GTF2A1L: variants seen among roughly 807,000 people sequenced by gnomAD.
GTF2A1L encodes general transcription factor IIA subunit 1 like.
Under a neutral mutation model 49.7 loss-of-function variants are expected in GTF2A1L, and 48 were observed. The observed-to-expected ratio is 0.97, with a 90% CI of 0.77 to 1.23. The LOEUF (loss-of-function observed/expected upper bound fraction) is 1.23, where lower values mean the gene tolerates loss of function less well. Ranked by LOEUF, GTF2A1L falls within the 50% of genes most tolerant of loss-of-function variation. The probability of loss-of-function intolerance (pLI) is 0.00; values close to 1 mark genes in which losing one functional copy is unlikely to be tolerated. For synonymous variants in GTF2A1L, 246 were observed against 193.5 expected, an observed-to-expected ratio of 1.27 and a Z score of -2.25; for missense variants, 736 against 564.8, an observed-to-expected ratio of 1.30 and a Z score of -3.07.
chr2:48,661,247 C>CTTTTT lies in GTF2A1L; in HGVS notation c.979-8451_979-8447dup, dbSNP rs70946820. On this transcript the variant is annotated intron_variant, in intron 6 of 8. Transcript: ENST00000403751. ...CCATTGTTTTCACTGCATCCCCAAA[C>CTTTTT]TTTTTTTTTTTTTTTTTTTTTTTTT... 5.2e-3 allele frequency among the ~76,000 whole-genome samples: 328 copies of CTTTTT among 62,750 alleles called. 88 individuals are homozygous for CTTTTT. The highest frequency in any genetic ancestry group is 0.023 in the African/African-American group (303 of 12,908). 41.2% of individuals were successfully genotyped at this position (62,750 alleles called of 152,430 possible). A position where few individuals can be genotyped will look rare whatever the true frequency, so the allele number is the denominator to read the frequency against.
intron 6 of GTF2A1L, among the ~76,000 whole-genome samples, chr2:48,667,750 T>G (rs949386950): frequency 5.9e-5 from 9 of 152,204 alleles, no homozygotes; most frequent in African/African-American, 1.9e-4. Context: ...GTATACTTTT[T>G]TGAGGGTTCA....
chr2:48,636,576 C>G (rs1444775155), intron 3 of GTF2A1L, among the ~76,000 whole-genome samples: 3 of 151,826 alleles, frequency 2.0e-5, no homozygotes, highest in Non-Finnish European at 4.4e-5. Context: ...TCAACAAAAC[C>G]AAATAAAAAT....
At chr2:48,652,951 C>G (rs111928212) in intron 6 of GTF2A1L, among the ~76,000 whole-genome samples, 2,797 of 151,852 alleles carry the variant, frequency 0.018, 83 homozygotes, top group African/African-American at 0.063. Flanking sequence ...AAATTTAGGC[C>G]GGGCACGGTG....
intron 6 of GTF2A1L, among the ~76,000 whole-genome samples, chr2:48,667,571 G>A (rs1678922480): frequency 6.6e-6 from 1 of 151,908 alleles, no homozygotes; most frequent in Non-Finnish European, 1.5e-5. Flanking sequence ...TATGTAATTT[G>A]GACTTATTTT....
chr2:48,618,043 C>G (rs1675762271), intron 1 of GTF2A1L, 148 bp downstream of exon 1: 1 of 826,796 alleles, frequency 1.2e-6, no homozygotes, highest in Admixed American at 3.1e-5. Flanking sequence ...CTCTTCTTCA[C>G]GTCTGTGTTG....
rs573722173 is a variant in GTF2A1L at position 48,624,816 on chromosome 2, T to C, written c.247+3526T>C. ...CATGCAATACTTTTCTTTTTGTGTC[T>C]GGCTTATTTCACTTAGTATAATGTC... On this transcript the variant is annotated intron_variant, in intron 3 of 8. Coordinates refer to ENST00000403751, the MANE Select transcript of GTF2A1L (RefSeq NM_006872.5). Among the ~76,000 whole-genome samples, 60 of 143,620 alleles carry C rather than the reference T, an allele frequency of 4.2e-4. 11 individuals are homozygous for C. The highest frequency in any genetic ancestry group is 4.0e-3 in the South Asian group (17 of 4,246). 94.2% of individuals were successfully genotyped at this position (143,620 alleles called of 152,430 possible). A position where few individuals can be genotyped will look rare whatever the true frequency, so the allele number is the denominator to read the frequency against.
intron 6 of GTF2A1L, among the ~76,000 whole-genome samples, chr2:48,666,326 C>T (rs1264493810): frequency 6.6e-6 from 1 of 152,014 alleles, no homozygotes; most frequent in East Asian, 1.9e-4. Flanking sequence ...CTGCCTCAGC[C>T]TCCTGAAGAG....
Position 48,625,930 on chromosome 2 carries a change from A to G in GTF2A1L, c.247+4640A>G, listed in dbSNP as rs1468524612. On this transcript the variant is annotated intron_variant, in intron 3 of 8. Transcript: ENST00000403751. ...CCGAGCTTTTGGTGTGATATCCAAAAAATCATTGCCAAGGCCATTGTCAAA... is the reference window on the plus strand; with the variant it reads ...CCGAGCTTTTGGTGTGATATCCAAAGAATCATTGCCAAGGCCATTGTCAAA... Among the ~76,000 whole-genome samples, 5 of 144,034 alleles carry G rather than the reference A, an allele frequency of 3.5e-5. 2 individuals are homozygous for G. The highest frequency in any genetic ancestry group is 6.2e-5 in the Non-Finnish European group (4 of 64,042). 94.5% of individuals were successfully genotyped at this position (144,034 alleles called of 152,430 possible).
intron 8 of GTF2A1L, among the ~76,000 whole-genome samples, chr2:48,678,394 C>G (rs994015806): frequency 1.8e-4 from 27 of 152,034 alleles, no homozygotes; most frequent in African/African-American, 6.3e-4. Context: ...TAAAACCCCC[C>G]CACAAAAATA....
chr2:48,660,474 T>C (rs1193969464), intron 6 of GTF2A1L, among the ~76,000 whole-genome samples: 1 of 152,094 alleles, frequency 6.6e-6, no homozygotes, highest in Non-Finnish European at 1.5e-5. Context: ...TTATTAAGAT[T>C]TTCTATTGCT....
rs768333283 is a variant in GTF2A1L, at chr2:48,646,616, T to C, written c.552T>C (p.Thr184=). The C allele has an allele frequency of 3.1e-6, 5 of 1,613,990 alleles. No individual in the cohort carries two copies. In the Admixed American group the frequency reaches 5.0e-5, roughly 16 times the overall value. ...ATCCATGGTCTCTTCAAGCAACTAC[T>C]GAAAAATCACAGAGAATTGAAACCG... ...QLNPWSLQAT[T]EKSQRIETVL... is the part of the protein sequence containing the mutation. Residue 184 remains threonine (T), a synonymous_variant, in exon 6 of 9, where the codon ACT becomes ACC. Coordinates refer to ENST00000403751, the MANE Select transcript of GTF2A1L (RefSeq NM_006872.5).
At chr2:48,648,216 A>G (rs1677644848) in intron 6 of GTF2A1L, among the ~76,000 whole-genome samples, 1 of 150,728 alleles carries the variant, frequency 6.6e-6, no homozygotes, top group Admixed American at 6.6e-5. Flanking sequence ...AAAATGTTTT[A>G]TTGAGGTTTT....
At chr2:48,665,214 G>C (rs993082380) in intron 6 of GTF2A1L, among the ~76,000 whole-genome samples, 1 of 151,660 alleles carries the variant, frequency 6.6e-6, no homozygotes, top group Non-Finnish European at 1.5e-5. Flanking sequence ...GAGCCACCCT[G>C]CCTGGCCAGG....
At chr2:48,675,578 A>G (rs887033300) in intron 8 of GTF2A1L, among the ~76,000 whole-genome samples, 2 of 152,068 alleles carry the variant, frequency 1.3e-5, no homozygotes, top group Non-Finnish European at 2.9e-5. Flanking sequence ...GAGAATGTCT[A>G]AAATTAATAT....
intron 6 of GTF2A1L, among the ~76,000 whole-genome samples, chr2:48,664,360 C>A (rs1678694581): frequency 6.6e-6 from 1 of 151,252 alleles, no homozygotes; most frequent in African/African-American, 2.4e-5. Flanking sequence ...ACAATTTTCC[C>A]CTCTATTGAA....
At chr2:48,621,079 G>A (rs546292373) in intron 2 of GTF2A1L, 88 bp from the exon 3 acceptor site, 19 of 1,519,652 alleles carry the variant, frequency 1.3e-5, no homozygotes, top group Non-Finnish European at 1.5e-5. Flanking sequence ...TCAGGATGAC[G>A]TTAGTTTTTA....
At chr2:48,661,109 C>G (rs1678467808) in intron 6 of GTF2A1L, among the ~76,000 whole-genome samples, 1 of 151,858 alleles carries the variant, frequency 6.6e-6, no homozygotes, top group South Asian at 2.1e-4. Flanking sequence ...TTATTTCATT[C>G]TGCTAGCTTT....
intron 6 of GTF2A1L, among the ~76,000 whole-genome samples, chr2:48,650,484 A>G (rs559735030): frequency 6.6e-6 from 1 of 152,314 alleles, no homozygotes; most frequent in East Asian, 1.9e-4. Context: ...ATAAGAGAAT[A>G]TATAACTTCT....
rs1459206163 is a variant in GTF2A1L at position 48,647,990 on chromosome 2, G to A, written c.978+948G>A. Among the ~76,000 whole-genome samples, 3 of 152,052 alleles carry A rather than the reference G, an allele frequency of 2.0e-5. No individual in the cohort carries two copies. The East Asian group carries it at 5.8e-4, about 29-fold the overall frequency. On this transcript the variant is annotated intron_variant, in intron 6 of 8. Transcript: ENST00000403751. ...TCTAGACCCACTGTACAAATCTGTA[G>A]CAATGGATAGTTAAGCACAACCTTA...
Sources: allele counts gnomAD v4.1 joint callset (sites outside exome capture counted in the v4.1 genomes callset), GRCh38; gene constraint gnomAD v4.1.1; transcripts MANE v1.5; gene names NCBI Gene and HGNC (gene_info 2026-07-23, HGNC 2026-07-21).